Variants in MTA1 observed in about 807,000 individuals in gnomAD.
The protein encoded by MTA1 is metastasis-associated protein MTA1.
MTA1 carries 15 observed loss-of-function variants against 97.0 expected under a neutral mutation model. That is an observed-to-expected ratio of 0.15 (90% CI 0.10 to 0.24). The LOEUF is 0.24. Among genes scored for constraint, MTA1 ranks in the 10% least tolerant of loss-of-function variants. MTA1 has a pLI of 1.00. For missense variants in MTA1, 709 were observed against 1,015.1 expected (o/e 0.70, Z 4.10); for synonymous variants, 435 against 417.5 (o/e 1.04, Z -0.51).
Position 105,469,833 on chromosome 14 carries a change from C to A in MTA1, c.1846-8C>A, listed in dbSNP as rs782402834. 1.2e-6 allele frequency: 2 copies of A among 1,600,828 alleles called. No individual in the cohort carries two copies. The highest frequency in any genetic ancestry group is 3.4e-5 in the Admixed American group (2 of 58,428). ...GCTGGCTGCCCAGGAAGTGCACCCC[C>A]TCTGCAGGGACCAAGCCGGAACCTC... is the stretch of plus-strand genomic sequence containing the variant. On this transcript the variant is annotated splice_region_variant and splice_polypyrimidine_tract_variant and intron_variant, in intron 19 of 20. Transcript: ENST00000331320.
At chr14:105,449,216 G>A (rs948946014) in intron 3 of MTA1, 143 bp from the exon 4 acceptor site, 1 of 684,392 alleles carries the variant, frequency 1.5e-6, no homozygotes, top group Non-Finnish European at 2.3e-6. Flanking sequence ...CAACCGGGTG[G>A]TCTTCACGCC....
At chr14:105,444,701 G>T (rs970149865) in intron 2 of MTA1, among the ~76,000 whole-genome samples, 1 of 148,944 alleles carries the variant, frequency 6.7e-6, no homozygotes, top group Non-Finnish European at 1.5e-5. Context: ...TGAGGCAGGA[G>T]AATCACTTGA....
intron 1 of MTA1, among the ~76,000 whole-genome samples, chr14:105,421,832 T>A (rs1555420973): frequency 6.6e-6 from 1 of 152,208 alleles, no homozygotes; most frequent in South Asian, 2.1e-4. Context: ...TTCGTGGGGC[T>A]GCGCCGCCCT....
chr14:105,444,613 A>G (rs587723051), intron 2 of MTA1, among the ~76,000 whole-genome samples: 1 of 152,176 alleles, frequency 6.6e-6, no homozygotes, highest in Non-Finnish European at 1.5e-5. Flanking sequence ...CAACATGGCA[A>G]AACCCTGTCT....
At position 105,420,335 on chromosome 14, in the gene MTA1, CGGG is replaced by C. The variant is rs1364678582; in HGVS notation, c.28+277_28+279del. Among the ~76,000 whole-genome samples, 4 of 148,646 alleles carry C rather than the reference CGGG, an allele frequency of 2.7e-5. No homozygotes were observed. ...GCCGAGGGGGCGGCCGCGGGGGTGGCGGGGGGGCGCGGGGCCTGCGGGACATCC... is the reference window on the plus strand; with the variant it reads ...GCCGAGGGGGCGGCCGCGGGGGTGGCGGGGCGCGGGGCCTGCGGGACATCC... On this transcript the variant is annotated intron_variant, in intron 1 of 20. Coordinates refer to ENST00000331320, the MANE Select transcript of MTA1 (RefSeq NM_004689.4). The surrounding 1 kb of genome is among the most constrained non-coding windows in gnomAD (Gnocchi z 5.3).
At chr14:105,433,968 C>T (rs1401470558) in intron 1 of MTA1, among the ~76,000 whole-genome samples, 1 of 152,146 alleles carries the variant, frequency 6.6e-6, no homozygotes, top group Non-Finnish European at 1.5e-5. Context: ...GCTGGGACTA[C>T]AGGTGCGTGC....
chr14:105,419,952 C>A lies in MTA1; in HGVS notation c.-84C>A, dbSNP rs2081768006. Reference sequence around the variant, plus strand: ...TTAAACGCCTGCGGCGCCCCCCGCCCCCGCCATCGCGCCTCCATTTTCCCG... The same window carrying A: ...TTAAACGCCTGCGGCGCCCCCCGCCACCGCCATCGCGCCTCCATTTTCCCG... On this transcript the variant is annotated 5_prime_UTR_variant, in exon 1 of 21. Coordinates refer to ENST00000331320, the MANE Select transcript of MTA1 (RefSeq NM_004689.4). 2 of 543,788 alleles carry A rather than the reference C, an allele frequency of 3.7e-6. No homozygotes were observed. Among genetic ancestry groups the A allele is most frequent in the African/African-American group, 2.1e-5 (1 of 48,392 alleles). The allele number at this position is 543,788 out of a possible 1,614,324, so 33.7% of individuals were successfully genotyped here.
At chr14:105,460,299 G>A in intron 8 of MTA1, 59 bp from the exon 9 acceptor site, 1 of 1,485,334 alleles carries the variant, frequency 6.7e-7, no homozygotes, top group East Asian at 2.4e-5. Context: ...GGGGAGCGGT[G>A]TGCCTGTGGG....
rs983691352 is a variant in MTA1, at chr14:105,432,519, G to A, written c.29-6153G>A. On this transcript the variant is annotated intron_variant, in intron 1 of 20. Coordinates refer to ENST00000331320, the MANE Select transcript of MTA1 (RefSeq NM_004689.4). ...CTCCCAAAGTGCTGGGATTACAGGC[G>A]TGAGCCACCGTGTCTGGCCTGCTTT... 5.9e-5 allele frequency among the ~76,000 whole-genome samples: 9 copies of A among 152,312 alleles called. No homozygotes were observed. In the South Asian group the frequency reaches 8.3e-4, roughly 14 times the overall value.
intron 18 of MTA1, 76 bp downstream of exon 18, chr14:105,466,818 G>A (rs1383768117): frequency 2.0e-5 from 30 of 1,467,486 alleles, no homozygotes; most frequent in Admixed American, 6.8e-5. Context: ...CTGTGTCCCC[G>A]CGGCGGGCGG....
chr14:105,439,187 A>T lies in MTA1; in HGVS notation c.96+448A>T, dbSNP rs10150509. Among the ~76,000 whole-genome samples, 169 of 40,636 alleles carry T rather than the reference A, an allele frequency of 4.2e-3. 2 individuals carry two copies. The highest frequency in any genetic ancestry group is 8.0e-3 in the African/African-American group (82 of 10,280). The allele number at this position is 40,636 out of a possible 152,430, so 26.7% of individuals were successfully genotyped here. On this transcript the variant is annotated intron_variant, in intron 2 of 20. Coordinates refer to ENST00000331320, the MANE Select transcript of MTA1 (RefSeq NM_004689.4). Reference sequence around the variant, plus strand: ...CTGAGGTGTCTGCATGGCTGGAAGCACCCTCCCTGGTCACTCAGGCAGCCC... The same window carrying T: ...CTGAGGTGTCTGCATGGCTGGAAGCTCCCTCCCTGGTCACTCAGGCAGCCC...
chr14:105,420,377 C>T lies in MTA1; in HGVS notation c.28+314C>T, dbSNP rs1303533575. On this transcript the variant is annotated intron_variant, in intron 1 of 20. Transcript: ENST00000331320. The surrounding 1 kb of genome is among the most constrained non-coding windows in gnomAD (Gnocchi z 5.3). Reference sequence around the variant, plus strand: ...TGCGGGACATCCGGGGGTCCGGGGCCGGGAGCCCCCAGCGGGAGCACGTGG... The same window carrying T: ...TGCGGGACATCCGGGGGTCCGGGGCTGGGAGCCCCCAGCGGGAGCACGTGG... 1.3e-5 allele frequency among the ~76,000 whole-genome samples: 2 copies of T among 151,942 alleles called. No homozygotes were observed. The highest frequency in any genetic ancestry group is 2.4e-5 in the African/African-American group (1 of 41,516).
chr14:105,434,572 C>T (rs2082275435), intron 1 of MTA1, among the ~76,000 whole-genome samples: 1 of 150,914 alleles, frequency 6.6e-6, no homozygotes, highest in Non-Finnish European at 1.5e-5. Flanking sequence ...GATCTCAGCT[C>T]ACCGCAACCT....
At chr14:105,449,034 C>T (rs1226006772) in intron 3 of MTA1, 4 of 314,478 alleles carry the variant, frequency 1.3e-5, no homozygotes, top group Non-Finnish European at 2.3e-5. Flanking sequence ...CGGTGCCCGG[C>T]CCCGGTCTCA....
Position 105,419,939 on chromosome 14 carries a change from G to C in MTA1, c.-97G>C. On this transcript the variant is annotated 5_prime_UTR_variant, in exon 1 of 21. Coordinates refer to ENST00000331320, the MANE Select transcript of MTA1 (RefSeq NM_004689.4). ...CAGCGCGGCCCCTTTAAACGCCTGCGGCGCCCCCCGCCCCCGCCATCGCGC... is the reference window on the plus strand; with the variant it reads ...CAGCGCGGCCCCTTTAAACGCCTGCCGCGCCCCCCGCCCCCGCCATCGCGC... 1 of 427,644 alleles carries C rather than the reference G, an allele frequency of 2.3e-6. No individual in the cohort carries two copies. The highest frequency in any genetic ancestry group is 3.1e-6 in the Non-Finnish European group (1 of 321,510). The allele number at this position is 427,644 out of a possible 1,614,324, so 26.5% of individuals were successfully genotyped here.
At chr14:105,452,261 T>A (rs1353765934) in intron 6 of MTA1, among the ~76,000 whole-genome samples, 1 of 152,224 alleles carries the variant, frequency 6.6e-6, no homozygotes, top group Admixed American at 6.5e-5. Context: ...GAAGTCCTGA[T>A]AAACACAGGC....
chr14:105,463,093 G>T lies in MTA1; in HGVS notation c.943-91G>T. ...CGCCCTCTGGCCTCCCGCCCCCTCT[G>T]TGGCCTTCTGGCCGCAGCCCTGCCC... On this transcript the variant is annotated intron_variant, in intron 10 of 20. Coordinates refer to ENST00000331320, the MANE Select transcript of MTA1 (RefSeq NM_004689.4). This position sits in a 1 kb window ranked among gnomAD's most constrained non-coding sequence, Gnocchi z 5.9. 7.6e-7 allele frequency: 1 copy of T among 1,307,750 alleles called. No homozygotes were observed. The highest frequency in any genetic ancestry group is 1.1e-6 in the Non-Finnish European group (1 of 922,306). The allele number at this position is 1,307,750 out of a possible 1,614,324, so 81.0% of individuals were successfully genotyped here.
chr14:105,466,837 C>A, intron 18 of MTA1, 95 bp downstream of exon 18: 2 of 1,334,122 alleles, frequency 1.5e-6, no homozygotes, highest in South Asian at 1.3e-5. Context: ...GGCCCAGGGC[C>A]CATGCTTGGG....
chr14:105,447,638 C>T (rs1555427506), intron 3 of MTA1, among the ~76,000 whole-genome samples: 1 of 152,152 alleles, frequency 6.6e-6, no homozygotes, highest in African/African-American at 2.4e-5. Context: ...AGCACAGCCC[C>T]TTTGGACGGT....
Sources: allele counts gnomAD v4.1 joint callset (sites outside exome capture counted in the v4.1 genomes callset), GRCh38; gene constraint gnomAD v4.1.1; non-coding constraint Gnocchi (gnomAD v3.1); transcripts MANE v1.5; gene names NCBI Gene and HGNC (gene_info 2026-07-23, HGNC 2026-07-21).